The following GABRA1 variants were observed in gnomAD, a reference collection of about 807,000 sequenced individuals.
The protein encoded by GABRA1 is gamma-aminobutyric acid type A receptor subunit alpha1.
A neutral mutation model predicts 48.9 loss-of-function variants in GABRA1; 9 were observed. The ratio of observed to expected loss-of-function variants is 0.18; its 90% CI spans 0.11 to 0.32. The LOEUF is 0.32. Among genes scored for constraint, GABRA1 ranks in the 10% least tolerant of loss-of-function variants. GABRA1 has a pLI of 1.00. For missense variants in GABRA1, 285 were observed against 553.8 expected (o/e 0.51, Z 4.87); for synonymous variants, 210 against 198.7 (o/e 1.06, Z -0.48).
At chr5:161,860,209 C>T (rs186672869) in intron 3 of GABRA1, among the ~76,000 whole-genome samples, 15 of 151,952 alleles carry the variant, frequency 9.9e-5, no homozygotes, top group Non-Finnish European at 1.0e-4. Context: ...TTTAACTGAG[C>T]TACCCAAAGG....
intron 6 of GABRA1, among the ~76,000 whole-genome samples, chr5:161,878,383 A>G (rs1422920632): frequency 1.3e-5 from 2 of 152,228 alleles, no homozygotes; most frequent in Admixed American, 1.3e-4. Context: ...TGGCCTACTT[A>G]GCATATTTCA....
chr5:161,850,738 G>C, intron 1 of GABRA1, 58 bp from the exon 2 acceptor site: 1 of 1,416,260 alleles, frequency 7.1e-7, no homozygotes, highest in Admixed American at 1.7e-5. Flanking sequence ...CAGCCCTGGT[G>C]GTTATAACCT....
chr5:161,865,910 TTC>T, intron 4 of GABRA1, 122 bp downstream of exon 4: 1 of 768,262 alleles, frequency 1.3e-6, no homozygotes, highest in Non-Finnish European at 2.3e-6. Context: ...TTTTGTGTCT[TTC>T]TGTGTGTAAT....
intron 4 of GABRA1, among the ~76,000 whole-genome samples, chr5:161,870,961 TGTGTGTGTGTGTGTGTG>T (rs1754091791): frequency 1.4e-5 from 1 of 71,968 alleles, no homozygotes; most frequent in Non-Finnish European, 4.8e-5. Context: ...TGTGTGTGTG[TGTGTGTGTGTGTGTGTG>T]TGTGTGTGTG....
intron 3 of GABRA1, among the ~76,000 whole-genome samples, chr5:161,855,704 T>C (rs898188156): frequency 6.6e-6 from 1 of 151,506 alleles, no homozygotes; most frequent in East Asian, 1.9e-4. Flanking sequence ...ATGAGGAATG[T>C]ATGAAAAGAA....
At chr5:161,864,078 G>C (rs772928885) in intron 3 of GABRA1, among the ~76,000 whole-genome samples, 5 of 152,016 alleles carry the variant, frequency 3.3e-5, no homozygotes, top group Non-Finnish European at 7.4e-5. Context: ...AGAGAGGAAA[G>C]TATAAGGAGG....
chr5:161,864,493 T>A (rs1253164428), intron 3 of GABRA1, among the ~76,000 whole-genome samples: 1 of 152,060 alleles, frequency 6.6e-6, no homozygotes, highest in Non-Finnish European at 1.5e-5. Context: ...AGTAAATTGC[T>A]AAGGGAAAAG....
chr5:161,853,477 A>G (rs2113304044), intron 2 of GABRA1, among the ~76,000 whole-genome samples: 1 of 152,020 alleles, frequency 6.6e-6, no homozygotes, highest in South Asian at 2.1e-4. Flanking sequence ...ACCACAAATT[A>G]AGATTATTGA....
chr5:161,886,063 T>A (rs1414278281), intron 7 of GABRA1, among the ~76,000 whole-genome samples: 1 of 152,132 alleles, frequency 6.6e-6, no homozygotes, highest in African/African-American at 2.4e-5. Flanking sequence ...AATATTATTA[T>A]CCCCATTTTA....
intron 6 of GABRA1, among the ~76,000 whole-genome samples, chr5:161,880,673 C>T (rs1354422625): frequency 6.6e-6 from 1 of 152,226 alleles, no homozygotes; most frequent in South Asian, 2.1e-4. Flanking sequence ...GATATTGGAA[C>T]TGGCAGGCTA....
At chr5:161,848,498 T>C (rs1250781005) in intron 1 of GABRA1, 76 bp downstream of exon 1, 2 of 27,790 alleles carry the variant, frequency 7.2e-5, no homozygotes, top group African/African-American at 4.2e-4. Context: ...GACAGGAATG[T>C]TATAGTCGGG....
chr5:161,872,613 T>G (rs1754170360), intron 4 of GABRA1, among the ~76,000 whole-genome samples: 1 of 152,168 alleles, frequency 6.6e-6, no homozygotes, highest in African/African-American at 2.4e-5. Flanking sequence ...CAAAAAAAGA[T>G]GGAATTTTTA....
intron 2 of GABRA1, 71 bp from the exon 3 acceptor site, chr5:161,854,087 G>C: frequency 1.3e-6 from 1 of 783,902 alleles, no homozygotes; most frequent in Non-Finnish European, 2.2e-6. Flanking sequence ...ACTGAGAAAG[G>C]ATTTATTTGG....
intron 1 of GABRA1, chr5:161,850,592 C>G (rs1196736775): frequency 1.6e-6 from 1 of 606,950 alleles, no homozygotes; most frequent in Non-Finnish European, 2.9e-6. Context: ...AATAAGGACA[C>G]TGATATATTT....
chr5:161,888,580 C>G lies in GABRA1; in HGVS notation c.704-2318C>G, dbSNP rs551860988. On this transcript the variant is annotated intron_variant, in intron 7 of 9. Coordinates refer to ENST00000393943, the MANE Select transcript of GABRA1 (RefSeq NM_001127644.2). ...ACACTCATTTTTCTGACATTATATA[C>G]AGATGAATTTTTTTCTTTGAGCTGG... Among the ~76,000 whole-genome samples, 3 of 152,048 alleles carry G rather than the reference C, an allele frequency of 2.0e-5. No homozygotes were observed. The East Asian group carries it at 5.8e-4, about 29-fold the overall frequency.
At chr5:161,855,485 A>G (rs1232169113) in intron 3 of GABRA1, among the ~76,000 whole-genome samples, 4 of 151,494 alleles carry the variant, frequency 2.6e-5, no homozygotes, top group Non-Finnish European at 4.4e-5. Flanking sequence ...AGGACATACT[A>G]TACAAATTTC....
At chr5:161,888,038 C>T (rs1302330079) in intron 7 of GABRA1, among the ~76,000 whole-genome samples, 1 of 152,094 alleles carries the variant, frequency 6.6e-6, no homozygotes, top group Non-Finnish European at 1.5e-5. Context: ...ATATTAGTTG[C>T]TTTTCTTCCA....
At chr5:161,864,030 G>GA (rs1168646925) in intron 3 of GABRA1, among the ~76,000 whole-genome samples, 1 of 151,918 alleles carries the variant, frequency 6.6e-6, no homozygotes, top group Non-Finnish European at 1.5e-5. Context: ...CAAATCAAAT[G>GA]AAAGAATTTC....
At position 161,897,489 on chromosome 5, in the gene GABRA1, A is replaced by T; in HGVS notation, c.*67A>T. The T allele has an allele frequency of 7.4e-7, 1 of 1,354,052 alleles. No individual in the cohort carries two copies. The highest frequency in any genetic ancestry group is 1.1e-6 in the Non-Finnish European group (1 of 948,454). The allele number at this position is 1,354,052 out of a possible 1,614,324, so 83.9% of individuals were successfully genotyped here. A position where few individuals can be genotyped will look rare whatever the true frequency, so the allele number is the denominator to read the frequency against. ...AATTTATTTATGTTCTCAACGCAGT[A>T]ATTCCCATCTGCTTTATTGCCTCTG... On this transcript the variant is annotated 3_prime_UTR_variant, in exon 10 of 10. Coordinates refer to ENST00000393943, the MANE Select transcript of GABRA1 (RefSeq NM_001127644.2).
Sources: allele counts gnomAD v4.1 joint callset (sites outside exome capture counted in the v4.1 genomes callset), GRCh38; gene constraint gnomAD v4.1.1; transcripts MANE v1.5; gene names NCBI Gene and HGNC (gene_info 2026-07-23, HGNC 2026-07-21).